Variants in NAALADL2 observed in about 807,000 individuals in gnomAD.
NAALADL2 encodes inactive N-acetylated-alpha-linked acidic dipeptidase-like protein 2.
In NAALADL2, 76 loss-of-function variants were observed where a neutral mutation model predicts 87.2. The ratio of observed to expected loss-of-function variants is 0.87; its 90% CI spans 0.72 to 1.05. The LOEUF (loss-of-function observed/expected upper bound fraction) is 1.05, where lower values mean the gene tolerates loss of function less well. Among genes scored for constraint, NAALADL2 ranks in the 50% least tolerant of loss-of-function variants. The pLI is 0.00. For synonymous variants in NAALADL2, 354 were observed against 331.0 expected (o/e 1.07, Z -0.75); for missense variants, 1,089 against 945.8 (o/e 1.15, Z -1.99).
chr3:175,247,297 ATAAG>A (rs924950331), intron 3 of NAALADL2, among the ~76,000 whole-genome samples: 2 of 152,008 alleles, frequency 1.3e-5, no homozygotes, highest in Non-Finnish European at 2.9e-5. Flanking sequence ...CATAAAACAC[ATAAG>A]TAAGTGTATT....
chr3:175,118,223 C>T (rs1250972070), intron 2 of NAALADL2, among the ~76,000 whole-genome samples: 2 of 151,710 alleles, frequency 1.3e-5, no homozygotes, highest in South Asian at 2.1e-4. Context: ...CAAACCTGCA[C>T]GTTGTGCACA....
chr3:175,591,784 G>GTATATATATA (rs57196350), intron 10 of NAALADL2, among the ~76,000 whole-genome samples: 3 of 137,044 alleles, frequency 2.2e-5, no homozygotes, highest in South Asian at 2.2e-4. Flanking sequence ...GTGTGTGTGT[G>GTATATATATA]TATATATATA....
intron 2 of NAALADL2, among the ~76,000 whole-genome samples, chr3:174,699,054 C>T (rs1376609523): frequency 6.6e-6 from 1 of 151,996 alleles, no homozygotes; most frequent in Non-Finnish European, 1.5e-5. Flanking sequence ...AACCTCTTCT[C>T]CTGTGATTCC....
chr3:175,113,038 A>T (rs537277762), intron 2 of NAALADL2, among the ~76,000 whole-genome samples: 1 of 151,736 alleles, frequency 6.6e-6, no homozygotes, highest in South Asian at 2.1e-4. Flanking sequence ...TTGACAAAAG[A>T]TTAGTTTGTA....
chr3:175,509,886 A>G (rs1053668422), intron 9 of NAALADL2, among the ~76,000 whole-genome samples: 2 of 152,018 alleles, frequency 1.3e-5, no homozygotes, highest in Non-Finnish European at 2.9e-5. Context: ...GTTTTAGAGT[A>G]CATGTGCACA....
chr3:175,795,732 C>A (rs1753395779), intron 13 of NAALADL2, among the ~76,000 whole-genome samples: 1 of 151,584 alleles, frequency 6.6e-6, no homozygotes, highest in Non-Finnish European at 1.5e-5. Flanking sequence ...AGAACAGATT[C>A]TCATGGGAAG....
At chr3:174,693,111 G>A (rs946271853) in intron 2 of NAALADL2, among the ~76,000 whole-genome samples, 4 of 151,888 alleles carry the variant, frequency 2.6e-5, no homozygotes, top group African/African-American at 9.7e-5. Flanking sequence ...TGTTCTTCCA[G>A]TACTGCTCTT....
chr3:174,811,909 G>A (rs895250374), intron 3 of NAALADL2, among the ~76,000 whole-genome samples: 1 of 152,106 alleles, frequency 6.6e-6, no homozygotes, highest in African/African-American at 2.4e-5. Context: ...ATTTGTTGTT[G>A]TTCTTGTGAT....
chr3:174,513,814 A>G (rs879165416), intron 1 of NAALADL2, among the ~76,000 whole-genome samples: 1 of 152,210 alleles, frequency 6.6e-6, no homozygotes, highest in African/African-American at 2.4e-5. Context: ...CTAACAAAGA[A>G]TTTCACATGA....
At chr3:175,175,098 A>G (rs1288351847) in intron 2 of NAALADL2, among the ~76,000 whole-genome samples, 1 of 152,050 alleles carries the variant, frequency 6.6e-6, no homozygotes, top group Non-Finnish European at 1.5e-5. Context: ...TATTAAATTT[A>G]TACAAATTCT....
In NAALADL2 at chr3:175,628,933, T is replaced by C. The variant is rs901202876; in HGVS notation, c.1896+1547T>C. ...TTAAAATTATTCTAAGCTCAAAATA[T>C]CTAAATCTCAGCTATACATTTATTA... On this transcript the variant is annotated intron_variant, in intron 11 of 13. Coordinates refer to ENST00000454872, the MANE Select transcript of NAALADL2 (RefSeq NM_207015.3). Among the ~76,000 whole-genome samples the C allele has an allele frequency of 4.3e-4, 64 of 150,564 alleles. 1 individual carries two copies. Among genetic ancestry groups the C allele is most frequent in the Non-Finnish European group, 2.8e-4 (19 of 67,410 alleles).
intron 2 of NAALADL2, among the ~76,000 whole-genome samples, chr3:175,101,332 C>G (rs185351595): frequency 2.0e-5 from 3 of 152,146 alleles, no homozygotes; most frequent in Non-Finnish European, 2.9e-5. Context: ...CAAAGATGTT[C>G]GTGACTCTCT....
intron 13 of NAALADL2, among the ~76,000 whole-genome samples, chr3:175,790,853 T>C (rs1269697858): frequency 2.0e-5 from 3 of 152,230 alleles, no homozygotes; most frequent in African/African-American, 7.2e-5. Context: ...TACATAATGC[T>C]AATTAAATCA....
chr3:175,488,292 T>A (rs985173246), intron 9 of NAALADL2, among the ~76,000 whole-genome samples: 1 of 152,202 alleles, frequency 6.6e-6, no homozygotes, highest in African/African-American at 2.4e-5. Context: ...TAGACCTTTA[T>A]TTACTCTAGT....
At chr3:174,760,170 G>A (rs2109068386) in intron 3 of NAALADL2, among the ~76,000 whole-genome samples, 1 of 152,266 alleles carries the variant, frequency 6.6e-6, no homozygotes, top group South Asian at 2.1e-4. Context: ...AAAAAACAGT[G>A]GAAGAGCCAC....
chr3:174,568,860 TATTTTAGA>T (rs1274657771), intron 2 of NAALADL2, among the ~76,000 whole-genome samples: 2 of 151,540 alleles, frequency 1.3e-5, no homozygotes, highest in African/African-American at 2.4e-5. Flanking sequence ...TTTTTAAGAA[TATTTTAGA>T]ATTTTAGAAT....
chr3:174,806,340 G>T (rs1303351609), intron 3 of NAALADL2, among the ~76,000 whole-genome samples: 1 of 152,168 alleles, frequency 6.6e-6, no homozygotes, highest in African/African-American at 2.4e-5. Context: ...CTTGAGAGTT[G>T]TCCTCAGTTG....
rs145843530 is a variant in NAALADL2, at chr3:175,731,318, T to C, written c.1897-5988T>C. On this transcript the variant is annotated intron_variant, in intron 11 of 13. Coordinates refer to ENST00000454872, the MANE Select transcript of NAALADL2 (RefSeq NM_207015.3). ...AGAGAATGATGTTTGAAAACTTCCA[T>C]ACAGCTCTGATACCTAGTAGGTGCT... is the stretch of plus-strand genomic sequence containing the variant. Among the ~76,000 whole-genome samples the C allele has an allele frequency of 2.4e-3, 358 of 152,310 alleles. 2 individuals carry two copies. Among genetic ancestry groups the C allele is most frequent in the African/African-American group, 8.4e-3 (348 of 41,574 alleles).
chr3:174,480,413 T>C (rs777566587), intron 1 of NAALADL2, among the ~76,000 whole-genome samples: 4 of 152,082 alleles, frequency 2.6e-5, no homozygotes, highest in Non-Finnish European at 2.9e-5. Flanking sequence ...CTTGGAATGG[T>C]CCCACCCTAC....
Sources: allele counts gnomAD v4.1 joint callset (sites outside exome capture counted in the v4.1 genomes callset), GRCh38; gene constraint gnomAD v4.1.1; transcripts MANE v1.5; gene names NCBI Gene and HGNC (gene_info 2026-07-23, HGNC 2026-07-21).